The following NFATC1 variants were observed in gnomAD, a reference collection of about 807,000 sequenced individuals.
NFATC1 encodes the protein nuclear factor of activated T cells 1, also known as nuclear factor of activated T-cells, cytoplasmic 1.
Under a neutral mutation model 76.0 loss-of-function variants are expected in NFATC1, and 22 were observed. The ratio of observed to expected loss-of-function variants is 0.29; its 90% CI spans 0.21 to 0.41. The LOEUF is 0.41. NFATC1 is among the 10% of genes least tolerant of loss of function. The pLI is 1.00. For synonymous variants in NFATC1, 704 were observed against 613.1 expected (o/e 1.15, Z -2.19); for missense variants, 1,357 against 1,337.7 (o/e 1.01, Z -0.23).
At position 79,520,864 on chromosome 18, in the gene NFATC1, G is replaced by A. The variant is rs1287230935; in HGVS notation, c.2783-6664G>A. 1.9e-5 allele frequency among the ~76,000 whole-genome samples: 2 copies of A among 105,080 alleles called. 1 individual carries two copies. Among genetic ancestry groups the A allele is most frequent in the African/African-American group, 7.3e-5 (2 of 27,484 alleles). The allele number at this position is 105,080 out of a possible 152,430, so 68.9% of individuals were successfully genotyped here. On this transcript the variant is annotated intron_variant, in intron 9 of 9. Coordinates refer to ENST00000427363, the MANE Select transcript of NFATC1 (RefSeq NM_001278669.2). Reference sequence around the variant, plus strand: ...ATGTGTGTGTCTGTGTATGTGTGGGGGGGGCATCCACTGGTGTGTGTGTCT... The same window carrying A: ...ATGTGTGTGTCTGTGTATGTGTGGGAGGGGCATCCACTGGTGTGTGTGTCT...
chr18:79,455,831 C>T (rs1423268493), intron 6 of NFATC1, among the ~76,000 whole-genome samples: 6 of 142,812 alleles, frequency 4.2e-5, no homozygotes, highest in Non-Finnish European at 6.2e-5. Flanking sequence ...GATGTTACCA[C>T]GTGGAGAAGA....
intron 3 of NFATC1, among the ~76,000 whole-genome samples, chr18:79,441,587 G>A (rs775843939): frequency 2.6e-4 from 39 of 152,276 alleles, no homozygotes; most frequent in African/African-American, 8.2e-4. Flanking sequence ...ACCTGAGCCC[G>A]TCAGGCCCTG....
At chr18:79,429,497 T>C (rs1163779288) in intron 2 of NFATC1, among the ~76,000 whole-genome samples, 1 of 152,106 alleles carries the variant, frequency 6.6e-6, no homozygotes, top group African/African-American at 2.4e-5. Context: ...CGAGTTGCCG[T>C]TCCGGGGGAT....
chr18:79,484,293 TG>T (rs1187823513), intron 8 of NFATC1, among the ~76,000 whole-genome samples: 1 of 152,206 alleles, frequency 6.6e-6, no homozygotes, highest in East Asian at 1.9e-4. Context: ...CAGGAAGGCC[TG>T]GCACGACCCT....
At chr18:79,447,727 A>G (rs574586803) in intron 3 of NFATC1, among the ~76,000 whole-genome samples, 1 of 152,358 alleles carries the variant, frequency 6.6e-6, no homozygotes, top group South Asian at 2.1e-4. Context: ...TTGAGAATCA[A>G]ACGTTCCTGT....
intron 8 of NFATC1, chr18:79,470,073 G>A (rs747260598): frequency 5.8e-5 from 55 of 946,236 alleles, no homozygotes; most frequent in African/African-American, 7.1e-5. Context: ...CTGCAACCCC[G>A]GCTGGGTCTG....
Position 79,396,328 on chromosome 18 carries a change from G to T in NFATC1, c.104G>T (p.Gly35Val), listed in dbSNP as rs200585424. 3.6e-6 allele frequency: 5 copies of T among 1,405,040 alleles called. No homozygotes were observed. The East Asian group carries it at 1.3e-4, about 37-fold the overall frequency. The allele number at this position is 1,405,040 out of a possible 1,614,324, so 87.0% of individuals were successfully genotyped here. A position where few individuals can be genotyped will look rare whatever the true frequency, so the allele number is the denominator to read the frequency against. The stretch of plus-strand genomic sequence containing the variant: ...TTGGGGCCCGCGCCGCGCGCCGGCG[G>T]CACCATGAAGTCAGCGGAGGAAGGT... ...ETLGPAPRAG[G>V]TMKSAEEEHY... Residue 35 changes from glycine (G) to valine (V), a missense_variant, in exon 1 of 10, where the codon GGC (glycine) becomes GTC (valine). This residue lies in a region of NFATC1 where 691 missense variants were observed against 613.1 expected (regional missense o/e 1.13). Transcript: ENST00000427363.
intron 9 of NFATC1, among the ~76,000 whole-genome samples, chr18:79,517,658 C>T (rs971296929): frequency 3.9e-5 from 6 of 152,188 alleles, no homozygotes; most frequent in African/African-American, 1.2e-4. Flanking sequence ...TCCTGCAGGA[C>T]GTTCTGATGT....
At chr18:79,461,722 A>G (rs2088108481) in intron 7 of NFATC1, among the ~76,000 whole-genome samples, 1 of 152,062 alleles carries the variant, frequency 6.6e-6, no homozygotes, top group Admixed American at 6.5e-5. Context: ...TGCTGTCACC[A>G]TCACCTGGCA....
chr18:79,474,226 A>C (rs1317914235), intron 8 of NFATC1, among the ~76,000 whole-genome samples: 1 of 58,394 alleles, frequency 1.7e-5, no homozygotes, highest in Non-Finnish European at 3.0e-5. Context: ...TGTCGACGTA[A>C]ACCTGAGGGA....
chr18:79,511,104 G>A lies in NFATC1; in HGVS notation c.2783-16424G>A, dbSNP rs779373984. Among the ~76,000 whole-genome samples, 4 of 152,198 alleles carry A rather than the reference G, an allele frequency of 2.6e-5. No homozygotes were observed. The South Asian group carries it at 8.3e-4, about 32-fold the overall frequency. ...TTAGAGCTAACGAGAGTCCACCAAC[G>A]GCAATTACAGGAACCTAATGGCCTT... On this transcript the variant is annotated intron_variant, in intron 9 of 9. Transcript: ENST00000427363.
chr18:79,400,676 G>T (rs2085175537), intron 1 of NFATC1, among the ~76,000 whole-genome samples: 1 of 60,948 alleles, frequency 1.6e-5, no homozygotes, highest in Non-Finnish European at 4.2e-5. Flanking sequence ...CGCTCGCGGC[G>T]GGGTCCTGGG....
intron 7 of NFATC1, among the ~76,000 whole-genome samples, chr18:79,462,460 A>G (rs1370501130): frequency 6.6e-6 from 1 of 151,922 alleles, no homozygotes; most frequent in East Asian, 1.9e-4. Flanking sequence ...ATGCACCACC[A>G]CGCCCGGCTA....
At chr18:79,503,771 T>C (rs978788135) in intron 9 of NFATC1, among the ~76,000 whole-genome samples, 9 of 152,204 alleles carry the variant, frequency 5.9e-5, no homozygotes, top group Non-Finnish European at 1.2e-4. Flanking sequence ...GAAGGCTGTT[T>C]TGTCTGCACA....
intron 1 of NFATC1, among the ~76,000 whole-genome samples, chr18:79,405,133 C>T (rs1025269076): frequency 6.6e-6 from 1 of 152,220 alleles, no homozygotes; most frequent in African/African-American, 2.4e-5. Context: ...CGTGGGGCAC[C>T]TGATGGCTGA....
rs1217409338 is a variant in NFATC1 at position 79,467,493 on chromosome 18, T to C, written c.2003T>C (p.Ile668Thr). ...ATCCCGCCATTTCGGAATCAGAGGA[T>C]AACCAGCCCCGTTCACGTCAGTTTC... ...VEIPPFRNQR[I>T]TSPVHVSFYV... Residue 668 changes from isoleucine (I) to threonine (T), a missense_variant, in exon 8 of 10, where the codon ATA becomes ACA. This residue lies in a region of NFATC1 where 424 missense variants were observed against 395.4 expected (regional missense o/e 1.07). Coordinates refer to ENST00000427363, the MANE Select transcript of NFATC1 (RefSeq NM_001278669.2). 1 of 1,612,190 alleles carries C rather than the reference T, an allele frequency of 6.2e-7. No homozygotes were observed. Among genetic ancestry groups the C allele is most frequent in the Non-Finnish European group, 8.5e-7 (1 of 1,178,674 alleles).
intron 1 of NFATC1, among the ~76,000 whole-genome samples, chr18:79,407,879 A>AGC (rs1555898634): frequency 6.6e-6 from 1 of 152,242 alleles, no homozygotes; most frequent in Non-Finnish European, 1.5e-5. Context: ...CAAGGCGCTC[A>AGC]GCCTCAGCGG....
At chr18:79,495,415 G>A (rs2089853071) in intron 9 of NFATC1, among the ~76,000 whole-genome samples, 1 of 152,236 alleles carries the variant, frequency 6.6e-6, no homozygotes, top group African/African-American at 2.4e-5. Context: ...ACTTGGAAGG[G>A]AAATTTGGGG....
intron 8 of NFATC1, chr18:79,470,071 C>A: frequency 1.1e-6 from 1 of 946,246 alleles, no homozygotes; most frequent in Non-Finnish European, 1.3e-6. Context: ...CTCTGCAACC[C>A]CGGCTGGGTC....
Sources: gnomAD v4.1 joint callset for allele counts (sites outside exome capture counted in the v4.1 genomes callset) on GRCh38, gnomAD v4.1.1 for gene constraint, gnomAD v4.1.1 regional missense constraint, MANE v1.5 for transcripts, NCBI Gene and HGNC (gene_info 2026-07-23, HGNC 2026-07-21) for gene names.